Variants in UPF2 observed in about 807,000 individuals in gnomAD.
UPF2 encodes UPF2 regulator of nonsense mediated mRNA decay, also known as regulator of nonsense transcripts 2.
UPF2 carries 17 observed loss-of-function variants against 141.4 expected under a neutral mutation model. The ratio of observed to expected loss-of-function variants is 0.12; its 90% CI spans 0.08 to 0.18. UPF2 has a LOEUF of 0.18. Ranked by LOEUF, UPF2 falls within the 10% of genes least tolerant of loss-of-function variation. UPF2 has a pLI of 1.00. For synonymous variants in UPF2, 540 were observed against 498.0 expected, an observed-to-expected ratio of 1.08 and a Z score of -1.12; for missense variants, 1,152 against 1,515.9, an observed-to-expected ratio of 0.76 and a Z score of 3.99.
At chr10:11,958,429 C>G (rs1019377881) in intron 12 of UPF2, among the ~76,000 whole-genome samples, 2 of 152,180 alleles carry the variant, frequency 1.3e-5, no homozygotes, top group Non-Finnish European at 2.9e-5. Flanking sequence ...TATGAGAACT[C>G]GTTTAGCCAT....
chr10:11,997,832 A>G, intron 7 of UPF2, 75 bp from the exon 8 acceptor site: 2 of 1,364,212 alleles, frequency 1.5e-6, no homozygotes, highest in Admixed American at 1.8e-5. Context: ...GCCTACTATG[A>G]TATTTTTATT....
intron 9 of UPF2, among the ~76,000 whole-genome samples, chr10:11,976,937 T>C (rs1418246251): frequency 2.0e-5 from 3 of 152,218 alleles, no homozygotes; most frequent in East Asian, 1.9e-4. Context: ...CTGGTAGACA[T>C]GGAAACCAAG....
intron 11 of UPF2, among the ~76,000 whole-genome samples, chr10:11,960,993 C>A (rs1434474705): frequency 6.8e-6 from 1 of 147,740 alleles, no homozygotes; most frequent in African/African-American, 2.5e-5. Flanking sequence ...GGGAGGCTGA[C>A]GTGGAAGGAT....
intron 1 of UPF2, among the ~76,000 whole-genome samples, chr10:12,039,703 C>T (rs1834701371): frequency 2.0e-5 from 3 of 151,794 alleles, no homozygotes. Context: ...TCACCACAAC[C>T]TCTGCCACCC....
In UPF2 at chr10:11,979,632, C is replaced by T. The variant is rs977381391; in HGVS notation, c.1845-467G>A. Among the ~76,000 whole-genome samples, 2 of 152,122 alleles carry T rather than the reference C, an allele frequency of 1.3e-5. No homozygotes were observed. The highest frequency in any genetic ancestry group is 2.9e-5 in the Non-Finnish European group (2 of 68,014). The stretch of plus-strand genomic sequence containing the variant: ...GTAAAAAGGTAATCAATAGGCTGGG[C>T]GTGGTAGCTCACGCCTGTAATCCCA... On this transcript the variant is annotated intron_variant, in intron 8 of 21. Coordinates refer to ENST00000357604, the MANE Select transcript of UPF2 (RefSeq NM_015542.4). The surrounding 1 kb of genome is among the most constrained non-coding windows in gnomAD (Gnocchi z 6.2).
chr10:11,979,502 T>C lies in UPF2; in HGVS notation c.1845-337A>G, dbSNP rs1833558179. ...ATCACATAATTACTGAGTAACTGCA[T>C]ATTTACAAATCTCAAGGTAACTTCT... On this transcript the variant is annotated intron_variant, in intron 8 of 21. Coordinates refer to ENST00000357604, the MANE Select transcript of UPF2 (RefSeq NM_015542.4). This position sits in a 1 kb window ranked among gnomAD's most constrained non-coding sequence, Gnocchi z 6.2. Among the ~76,000 whole-genome samples, 1 of 152,268 alleles carries C rather than the reference T, an allele frequency of 6.6e-6. No homozygotes were observed. Among genetic ancestry groups the C allele is most frequent in the South Asian group, 2.1e-4 (1 of 4,836 alleles).
chr10:12,020,401 G>A (rs112259944), intron 3 of UPF2, among the ~76,000 whole-genome samples: 8,275 of 152,020 alleles, frequency 0.054, 284 homozygotes, highest in Non-Finnish European at 0.08. Context: ...ACAGGCATGC[G>A]CCACTACGCC....
At chr10:11,969,032 T>C (rs1286230014) in intron 9 of UPF2, among the ~76,000 whole-genome samples, 3 of 151,890 alleles carry the variant, frequency 2.0e-5, no homozygotes, top group African/African-American at 7.3e-5. Flanking sequence ...GGCTAAATTT[T>C]TGTATTTTTA....
intron 15 of UPF2, among the ~76,000 whole-genome samples, chr10:11,950,353 T>A (rs904079984): frequency 1.3e-5 from 2 of 152,256 alleles, no homozygotes; most frequent in African/African-American, 4.8e-5. Flanking sequence ...TTTTGGTTTA[T>A]CAGTAGGAAA....
At chr10:11,934,212 T>G (rs1832815526) in intron 19 of UPF2, among the ~76,000 whole-genome samples, 1 of 152,254 alleles carries the variant, frequency 6.6e-6, no homozygotes, top group Admixed American at 6.5e-5. Context: ...GCAAAAATGC[T>G]GGGATTTGTG....
rs1440274485 is a variant in UPF2 at position 11,920,851 on chromosome 10, G to GT, written c.*446dup. On this transcript the variant is annotated 3_prime_UTR_variant, in exon 22 of 22. Transcript: ENST00000357604. Reference sequence around the variant, plus strand: ...TACTGTAGTCCTGGAGCCCCCAAATGTATCTTCTTCCAACGTGGGATGTTC... The same window carrying GT: ...TACTGTAGTCCTGGAGCCCCCAAATGTTATCTTCTTCCAACGTGGGATGTTC... 10 of 367,818 alleles carry GT rather than the reference G, an allele frequency of 2.7e-5. No individual in the cohort carries two copies. Among genetic ancestry groups the GT allele is most frequent in the South Asian group, 4.1e-5 (2 of 48,982 alleles). 22.8% of individuals were successfully genotyped at this position (367,818 alleles called of 1,614,324 possible). A position where few individuals can be genotyped will look rare whatever the true frequency, so the allele number is the denominator to read the frequency against.
At chr10:12,031,757 C>G (rs750632281) in intron 2 of UPF2, among the ~76,000 whole-genome samples, 2 of 152,116 alleles carry the variant, frequency 1.3e-5, no homozygotes, top group Non-Finnish European at 2.9e-5. Context: ...GCCTGGGTGA[C>G]AGAGTGAGCC....
At chr10:12,017,548 C>A (rs1564368085) in intron 3 of UPF2, among the ~76,000 whole-genome samples, 1 of 152,296 alleles carries the variant, frequency 6.6e-6, no homozygotes, top group East Asian at 1.9e-4. Flanking sequence ...CTGCTGGAAC[C>A]AACTAAAACT....
chr10:11,952,469 CTT>C (rs869201076), intron 14 of UPF2, among the ~76,000 whole-genome samples: 12 of 97,732 alleles, frequency 1.2e-4, no homozygotes, highest in African/African-American at 3.3e-4. Context: ...TACTAAATAT[CTT>C]TTTTTTTTTT....
At position 11,921,064 on chromosome 10, in the gene UPF2, G is replaced by A. The variant is rs773925828; in HGVS notation, c.*234C>T. On this transcript the variant is annotated 3_prime_UTR_variant, in exon 22 of 22. Transcript: ENST00000357604. The surrounding 1 kb of genome is among the most constrained non-coding windows in gnomAD (Gnocchi z 5.9). ...CATTCTCAAGAGAAGATTAACCCTC[G>A]CGAGATTTCCATTACAAAAGGCCTT... 23 of 746,420 alleles carry A rather than the reference G, an allele frequency of 3.1e-5. No homozygotes were observed. The highest frequency in any genetic ancestry group is 1.9e-4 in the African/African-American group (11 of 58,306). 46.2% of individuals were successfully genotyped at this position (746,420 alleles called of 1,614,324 possible).
In UPF2 at chr10:11,931,978, G is replaced by A. The variant is rs767707902; in HGVS notation, c.3547-196C>T. 6.6e-6 allele frequency among the ~76,000 whole-genome samples: 1 copy of A among 151,996 alleles called. No homozygotes were observed. Among genetic ancestry groups the A allele is most frequent in the Non-Finnish European group, 1.5e-5 (1 of 68,012 alleles). On this transcript the variant is annotated intron_variant, in intron 19 of 21. Transcript: ENST00000357604. The surrounding 1 kb of genome is among the most constrained non-coding windows in gnomAD (Gnocchi z 5.9). ...ATCCAGGCCAACATGATGAAACCCCGTCTTTACTAAAAACACAAAAATTAG... is the reference window on the plus strand; with the variant it reads ...ATCCAGGCCAACATGATGAAACCCCATCTTTACTAAAAACACAAAAATTAG...
chr10:11,942,833 T>A, intron 17 of UPF2, 70 bp from the exon 18 acceptor site: 1 of 1,388,614 alleles, frequency 7.2e-7, no homozygotes, highest in East Asian at 2.3e-5. Context: ...CAAAGCCTTT[T>A]AGTATTGACA....
chr10:11,984,111 C>T (rs10752252), intron 8 of UPF2, among the ~76,000 whole-genome samples: 31,652 of 151,796 alleles, frequency 0.21, 3,629 homozygotes, highest in East Asian at 0.46. Context: ...TTAGTAGAGA[C>T]GGGGTTTCTC....
At chr10:11,943,559 G>T (rs1286412583) in intron 16 of UPF2, among the ~76,000 whole-genome samples, 1 of 152,180 alleles carries the variant, frequency 6.6e-6, no homozygotes, top group Non-Finnish European at 1.5e-5. Flanking sequence ...AAATGTAACA[G>T]CATTACCAGC....
Sources: gnomAD v4.1 joint callset for allele counts (sites outside exome capture counted in the v4.1 genomes callset) on GRCh38, gnomAD v4.1.1 for gene constraint, Gnocchi (gnomAD v3.1) non-coding constraint, MANE v1.5 for transcripts, NCBI Gene and HGNC (gene_info 2026-07-23, HGNC 2026-07-21) for gene names.